The following COL9A3 variants were observed in gnomAD, a reference collection of about 807,000 sequenced individuals.
COL9A3 encodes the protein collagen type IX alpha 3 chain.
COL9A3 carries 82 observed loss-of-function variants against 110.2 expected under a neutral mutation model. That is an observed-to-expected ratio of 0.74 (90% CI 0.62 to 0.89). The LOEUF (loss-of-function observed/expected upper bound fraction) is 0.89. Ranked by LOEUF, COL9A3 falls within the 40% of genes least tolerant of loss-of-function variation. COL9A3 has a pLI of 0.00. For synonymous variants in COL9A3, 494 were observed against 403.8 expected (o/e 1.22, Z -2.68); for missense variants, 1,066 against 981.3 (o/e 1.09, Z -1.15).
At chr20:62,829,381 C>T (rs2063577839) in intron 19 of COL9A3, 74 bp from the exon 20 acceptor site, 18 of 1,584,122 alleles carry the variant, frequency 1.1e-5, no homozygotes, top group South Asian at 3.4e-5. Flanking sequence ...ACCCTGCCTG[C>T]GTGCACGCCC....
intron 4 of COL9A3, among the ~76,000 whole-genome samples, chr20:62,819,563 C>G (rs1405664444): frequency 6.6e-6 from 1 of 152,210 alleles, no homozygotes; most frequent in Admixed American, 6.5e-5. Flanking sequence ...TCAGGACCTT[C>G]TGCCCACTGC....
intron 13 of COL9A3, 152 bp downstream of exon 13, chr20:62,826,022 C>T: frequency 9.0e-7 from 1 of 1,106,610 alleles, no homozygotes. Flanking sequence ...CTGGGGGTCC[C>T]ACCTCTGCCA....
chr20:62,826,686 G>T, intron 14 of COL9A3, 81 bp from the exon 15 acceptor site: 1 of 1,499,180 alleles, frequency 6.7e-7, no homozygotes, highest in Non-Finnish European at 9.2e-7. Flanking sequence ...GCTTGTGTCT[G>T]GGCCGCCCCT....
chr20:62,817,007 C>A, upstream of COL9A3: 1 of 1,065,376 alleles, frequency 9.4e-7, no homozygotes, highest in Non-Finnish European at 1.2e-6. Context: ...GCCCACCTCC[C>A]GCCCCGCCCG....
chr20:62,833,149 C>A, intron 26 of COL9A3, 85 bp downstream of exon 26: 1 of 1,089,582 alleles, frequency 9.2e-7, no homozygotes, highest in Non-Finnish European at 1.4e-6. Context: ...GGGACAGGGT[C>A]AAAATCTGCA....
At chr20:62,820,665 G>A (rs1156606362) in intron 5 of COL9A3, among the ~76,000 whole-genome samples, 4 of 152,212 alleles carry the variant, frequency 2.6e-5, no homozygotes, top group Admixed American at 2.6e-4. Context: ...GTGCCCAGGG[G>A]TGTGGGGTGG....
rs111799118 is a variant in COL9A3 at position 62,819,722 on chromosome 20, T to A, written c.256-207T>A. On this transcript the variant is annotated intron_variant, in intron 4 of 31. Coordinates refer to ENST00000649368, the MANE Select transcript of COL9A3 (RefSeq NM_001853.4). Reference sequence around the variant, plus strand: ...ACAGCAGGTGCCTCCGTTGCTGGCTTCCCGCTGGCTGCCCCCTCCCTCCTC... The same window carrying A: ...ACAGCAGGTGCCTCCGTTGCTGGCTACCCGCTGGCTGCCCCCTCCCTCCTC... Among the ~76,000 whole-genome samples, 5 of 152,106 alleles carry A rather than the reference T, an allele frequency of 3.3e-5. No homozygotes were observed. In the South Asian group the frequency reaches 1.0e-3, roughly 32 times the overall value.
chr20:62,817,939 G>A lies in COL9A3; in HGVS notation c.147+304G>A, dbSNP rs540718467. ...GGGGTTCTGGCCTCTGGCTGAAGTG[G>A]GGAGAGGCACGTCCTTTGGGTGGTT... is the stretch of plus-strand genomic sequence containing the variant. On this transcript the variant is annotated intron_variant, in intron 2 of 31. Coordinates refer to ENST00000649368, the MANE Select transcript of COL9A3 (RefSeq NM_001853.4). The A allele has an allele frequency of 1.6e-5, 8 of 492,744 alleles. No individual in the cohort carries two copies. The East Asian group carries it at 2.6e-4, about 16-fold the overall frequency. 30.5% of individuals were successfully genotyped at this position (492,744 alleles called of 1,614,324 possible).
intron 29 of COL9A3, 125 bp downstream of exon 29, chr20:62,836,657 C>A: frequency 9.4e-7 from 1 of 1,059,402 alleles, no homozygotes; most frequent in Non-Finnish European, 1.4e-6. Flanking sequence ...AGCACTCACC[C>A]CGCCTGTTAG....
At chr20:62,832,434 A>G (rs2063603996) in intron 25 of COL9A3, among the ~76,000 whole-genome samples, 1 of 152,230 alleles carries the variant, frequency 6.6e-6, no homozygotes, top group East Asian at 1.9e-4. Flanking sequence ...CCTGGGTGCA[A>G]ACAGCTGGCC....
chr20:62,832,809 TGTCTTCC>T (rs2063606843), intron 25 of COL9A3: 1 of 526,478 alleles, frequency 1.9e-6, no homozygotes, highest in Admixed American at 3.2e-5. Flanking sequence ...TGCAAACAAA[TGTCTTCC>T]GTTTTTTGGC....
chr20:62,826,123 T>C, intron 13 of COL9A3, 81 bp from the exon 14 acceptor site: 1 of 1,428,738 alleles, frequency 7.0e-7, no homozygotes, highest in Non-Finnish European at 9.6e-7. Context: ...CTCCCAGGGG[T>C]ACCCCGAGGG....
Position 62,828,655 on chromosome 20 carries a change from G to A in COL9A3, c.901-109G>A. 5 of 1,240,094 alleles carry A rather than the reference G, an allele frequency of 4.0e-6. No homozygotes were observed. In the South Asian group the frequency reaches 5.0e-5, roughly 12 times the overall value. 76.8% of individuals were successfully genotyped at this position (1,240,094 alleles called of 1,614,324 possible). A position where few individuals can be genotyped will look rare whatever the true frequency, so the allele number is the denominator to read the frequency against. ...ACCAGATAACTGCCAGGGTGTGGGG[G>A]CAGACACAGTTTTAGGTTGATGGGG... is the stretch of plus-strand genomic sequence containing the variant. On this transcript the variant is annotated intron_variant, in intron 17 of 31. Transcript: ENST00000649368.
rs1404311375 is a variant in COL9A3, at chr20:62,824,375, C to T, written c.520-70C>T. On this transcript the variant is annotated intron_variant, in intron 10 of 31. Coordinates refer to ENST00000649368, the MANE Select transcript of COL9A3 (RefSeq NM_001853.4). ...GAGTGGCCTCCTGGGGTCCCGCGGG[C>T]GCTGACCCCTGCGTCGGACGTCCTG... is the stretch of plus-strand genomic sequence containing the variant. The T allele has an allele frequency of 5.0e-5, 75 of 1,492,804 alleles. No individual in the cohort carries two copies. The Admixed American group carries it at 6.1e-4, about 12-fold the overall frequency. The allele number at this position is 1,492,804 out of a possible 1,614,324, so 92.5% of individuals were successfully genotyped here.
intron 14 of COL9A3, 131 bp downstream of exon 14, chr20:62,826,388 CTG>C: frequency 2.3e-6 from 2 of 886,216 alleles, no homozygotes; most frequent in Non-Finnish European, 3.5e-6. Flanking sequence ...GCCATCGCCA[CTG>C]TGGCGCAGGC....
At chr20:62,836,574 C>G in intron 29 of COL9A3, 42 bp downstream of exon 29, 11 of 1,537,486 alleles carry the variant, frequency 7.2e-6, no homozygotes, top group Non-Finnish European at 9.6e-6. Flanking sequence ...GGCCCATCCC[C>G]GCCTGGGGGT....
At chr20:62,816,828 T>A (rs1990929685), upstream of COL9A3, among the ~76,000 whole-genome samples, 1 of 152,144 alleles carries the variant, frequency 6.6e-6, no homozygotes, top group Non-Finnish European at 1.5e-5. Context: ...CCCAGGATAA[T>A]TTTAACTCGC....
At chr20:62,840,293 G>A (rs1010413397) in intron 31 of COL9A3, among the ~76,000 whole-genome samples, 3 of 151,826 alleles carry the variant, frequency 2.0e-5, no homozygotes, top group Non-Finnish European at 2.9e-5. Flanking sequence ...GTCAGAGTGC[G>A]GGTGTCCTCA....
At position 62,826,252 on chromosome 20, in the gene COL9A3, G is replaced by C; in HGVS notation, c.733G>C (p.Asp245His). Residue 245 changes from aspartate (D) to histidine (H), a missense_variant, in exon 14 of 32, where the codon GAC (aspartate) becomes CAC (histidine). Asp to His is a moderately conservative substitution (Grantham distance 81). Coordinates refer to ENST00000649368, the MANE Select transcript of COL9A3 (RefSeq NM_001853.4). ...GCCAGGGCCACTCGGGCCCCCTGGGGACCGGGTAAGTCCTGCAGCCCCTAG... is the reference window on the plus strand; with the variant it reads ...GCCAGGGCCACTCGGGCCCCCTGGGCACCGGGTAAGTCCTGCAGCCCCTAG... The part of the protein sequence containing the change: ...GLPGPLGPPG[D>H]RGPIGFRGPP... 6.4e-7 allele frequency: 1 copy of C among 1,551,384 alleles called. No individual in the cohort carries two copies. Among genetic ancestry groups the C allele is most frequent in the Non-Finnish European group, 8.7e-7 (1 of 1,148,362 alleles).
Sources: allele counts gnomAD v4.1 joint callset (sites outside exome capture counted in the v4.1 genomes callset), GRCh38; gene constraint gnomAD v4.1.1; transcripts MANE v1.5; gene names NCBI Gene and HGNC (gene_info 2026-07-23, HGNC 2026-07-21).